The following MKS1 variants were observed in gnomAD, a reference collection of about 807,000 sequenced individuals.
MKS1 encodes the protein MKS transition zone complex subunit 1.
Under a neutral mutation model 83.7 loss-of-function variants are expected in MKS1, and 70 were observed. The ratio of observed to expected loss-of-function variants is 0.84; its 90% CI spans 0.69 to 1.02. MKS1 has a LOEUF of 1.02. Among genes scored for constraint, MKS1 ranks in the 50% least tolerant of loss-of-function variants. The pLI is 0.00. For missense variants in MKS1, 681 were observed against 726.9 expected, an observed-to-expected ratio of 0.94 and a Z score of 0.73; for synonymous variants, 251 against 273.4, an observed-to-expected ratio of 0.92 and a Z score of 0.81.
chr17:58,213,385 G>A (rs1435951700), intron 7 of MKS1, among the ~76,000 whole-genome samples: 1 of 152,134 alleles, frequency 6.6e-6, no homozygotes, highest in Non-Finnish European at 1.5e-5. Flanking sequence ...TGGACAGGTT[G>A]GGCCAGATAA....
At position 58,207,075 on chromosome 17, in the gene MKS1, C is replaced by T. The variant is rs991023855; in HGVS notation, c.1407+10G>A. The T allele has an allele frequency of 1.2e-6, 2 of 1,614,036 alleles. No homozygotes were observed. Among genetic ancestry groups the T allele is most frequent in the African/African-American group, 1.3e-5 (1 of 74,920 alleles). ...TCTCAGCGTGAAGTCACTCCAAAGA[C>T]AAAAGTCACCTTGAAGGATCCTGGT... On this transcript the variant is annotated intron_variant, in intron 15 of 17. Coordinates refer to ENST00000393119, the MANE Select transcript of MKS1 (RefSeq NM_017777.4).
chr17:58,216,824 C>T (rs561678220), intron 2 of MKS1, 88 bp from the exon 3 acceptor site: 3 of 1,367,478 alleles, frequency 2.2e-6, no homozygotes, highest in South Asian at 2.4e-5. Context: ...AGTCCCTATT[C>T]TTATATTTGC....
At position 58,211,033 on chromosome 17, in the gene MKS1, G is replaced by A. The variant is rs1268073085; in HGVS notation, c.916-11C>T. 1 of 1,613,850 alleles carries A rather than the reference G, an allele frequency of 6.2e-7. No individual in the cohort carries two copies. The highest frequency in any genetic ancestry group is 2.2e-5 in the East Asian group (1 of 44,876). ...GGCACCTGGGACAGTCTAAGGTGAA[G>A]AGAAGTGGGAAAGGATCAGCAGGCC... is the stretch of plus-strand genomic sequence containing the variant. On this transcript the variant is annotated splice_polypyrimidine_tract_variant and intron_variant, in intron 9 of 17. Transcript: ENST00000393119.
rs369488349 is a variant in MKS1, at chr17:58,219,204, G to A, written c.27C>T (p.Asp9=). Residue 9 remains aspartate, a synonymous_variant, in exon 1 of 18, where the codon GAC becomes GAT. Coordinates refer to ENST00000393119, the MANE Select transcript of MKS1 (RefSeq NM_017777.4). ...GGGAGCGATACACTGCCTCCCCGGT[G>A]TCAGTGCTCCAGACGGTCTCCGCCA... MAETVWST[D]TGEAVYRSRD... The A allele has an allele frequency of 1.4e-3, 2,095 of 1,551,140 alleles. 2 individuals are homozygous for A. Among genetic ancestry groups the A allele is most frequent in the Non-Finnish European group, 1.7e-3 (1,961 of 1,146,994 alleles).
intron 4 of MKS1, 135 bp from the exon 5 acceptor site, chr17:58,214,973 A>C: frequency 7.2e-7 from 1 of 1,388,702 alleles, no homozygotes; most frequent in Non-Finnish European, 9.8e-7. Flanking sequence ...ACAATTATAC[A>C]TGCTAACGGA....
chr17:58,212,678 G>A (rs760049285), intron 8 of MKS1, among the ~76,000 whole-genome samples: 1 of 152,106 alleles, frequency 6.6e-6, no homozygotes, highest in East Asian at 1.9e-4. Flanking sequence ...CCTCAATCTC[G>A]GTTTCCCCAC....
At chr17:58,211,810 C>T (rs1236169393) in intron 9 of MKS1, among the ~76,000 whole-genome samples, 1 of 150,442 alleles carries the variant, frequency 6.6e-6, no homozygotes, top group African/African-American at 2.5e-5. Flanking sequence ...AAGTGATCCT[C>T]CCACCTTGGC....
In MKS1 at chr17:58,206,575, G is replaced by A. The variant is rs1374491789; in HGVS notation, c.1408-28C>T. 6.3e-7 allele frequency: 1 copy of A among 1,599,402 alleles called. No homozygotes were observed. The highest frequency in any genetic ancestry group is 1.7e-5 in the Admixed American group (1 of 59,996). ...GTGGCATGCCATTGGGACAGCCTCA[G>A]GTTTCTGCTCTCTCTAGACACCCCC... On this transcript the variant is annotated intron_variant, in intron 15 of 17. Transcript: ENST00000393119.
chr17:58,206,630 T>C, intron 15 of MKS1, 83 bp from the exon 16 acceptor site: 1 of 1,334,186 alleles, frequency 7.5e-7, no homozygotes, highest in Non-Finnish European at 1.1e-6. Flanking sequence ...CCCATTCTTA[T>C]TCCCATTCTT....
rs200731008 is a variant in MKS1, at chr17:58,208,494, C to T, written c.1095+19G>A. 1.4e-5 allele frequency: 23 copies of T among 1,612,784 alleles called. 1 individual carries two copies. In the East Asian group the frequency reaches 4.9e-4, roughly 34 times the overall value. On this transcript the variant is annotated intron_variant, in intron 12 of 17. Transcript: ENST00000393119. Reference sequence around the variant, plus strand: ...GCAGATCTCATTCCCTTCCAGATACCCGCTCTCATTCTCCATACCATTGCC... The same window carrying T: ...GCAGATCTCATTCCCTTCCAGATACTCGCTCTCATTCTCCATACCATTGCC...
chr17:58,213,042 G>A lies in MKS1; in HGVS notation c.798C>T (p.Asp266=), dbSNP rs1968971741. ...CCGGCTGTGCGTGGGGGGAAACATT[G>A]TCGATCGTATATTTCCACAGCTCCT... ...EKQELWKYTI[D]NVSPHAQPEE... The change falls in exon 8 of 18, where the codon GAC becomes GAT. Residue 266 remains aspartate (D), a synonymous_variant. Coordinates refer to ENST00000393119, the MANE Select transcript of MKS1 (RefSeq NM_017777.4). 3.7e-6 allele frequency: 6 copies of A among 1,614,098 alleles called. No homozygotes were observed. Among genetic ancestry groups the A allele is most frequent in the Non-Finnish European group, 4.2e-6 (5 of 1,180,028 alleles).
At chr17:58,213,627 C>G (rs748167236) in intron 7 of MKS1, 138 bp downstream of exon 7, 1 of 749,300 alleles carries the variant, frequency 1.3e-6, no homozygotes, top group South Asian at 1.5e-5. Flanking sequence ...TGACTTGGAA[C>G]AGAATACGAA....
At chr17:58,210,865 A>G in intron 10 of MKS1, 115 bp downstream of exon 10, 1 of 1,467,102 alleles carries the variant, frequency 6.8e-7, no homozygotes, top group Non-Finnish European at 9.5e-7. Flanking sequence ...AAGACTCACC[A>G]CTGAGTTTCC....
rs1239048843 is a variant in MKS1 at position 58,209,210 on chromosome 17, G to C, written c.1025-627C>G. Among the ~76,000 whole-genome samples the C allele has an allele frequency of 6.6e-6, 1 of 152,134 alleles. No individual in the cohort carries two copies. Among genetic ancestry groups the C allele is most frequent in the South Asian group, 2.1e-4 (1 of 4,816 alleles). ...AGCTGTTGGGTACACCTCCCAGATG[G>C]GGCGGCCGGGCAGAGGCGCTCCTCA... is the stretch of plus-strand genomic sequence containing the variant. On this transcript the variant is annotated intron_variant, in intron 11 of 17. Transcript: ENST00000393119. This position sits in a 1 kb window ranked among gnomAD's most constrained non-coding sequence, Gnocchi z 4.1.
Position 58,219,131 on chromosome 17 carries a change from G to A in MKS1, c.80+20C>T. 6.4e-7 allele frequency: 1 copy of A among 1,550,680 alleles called. No individual in the cohort carries two copies. Among genetic ancestry groups the A allele is most frequent in the Non-Finnish European group, 8.7e-7 (1 of 1,146,958 alleles). On this transcript the variant is annotated intron_variant, in intron 1 of 17. Coordinates refer to ENST00000393119, the MANE Select transcript of MKS1 (RefSeq NM_017777.4). Reference sequence around the variant, plus strand: ...AGGACACAAAAGCATGGGGCCTCGGGGCTGGGGCGGTGCGACTACCGGAGG... The same window carrying A: ...AGGACACAAAAGCATGGGGCCTCGGAGCTGGGGCGGTGCGACTACCGGAGG...
Position 58,206,291 on chromosome 17 carries a change from T to C in MKS1, c.1580A>G (p.Asn527Ser), listed in dbSNP as rs774309110. ...EGFSQQSSIH[N>S]VLEAFRRARR... ...TGGGGGAGGGGACATACCTAGCACATTGTGAATGGAACTCTGCTGGCTGAA... is the reference window on the plus strand; with the variant it reads ...TGGGGGAGGGGACATACCTAGCACACTGTGAATGGAACTCTGCTGGCTGAA... Residue 527 changes from asparagine to serine, a missense_variant, in exon 17 of 18, where the codon AAT becomes AGT. Physicochemically the swap from Asn to Ser is conservative, Grantham distance 46 (BLOSUM62 1). Coordinates refer to ENST00000393119, the MANE Select transcript of MKS1 (RefSeq NM_017777.4). 23 of 1,613,944 alleles carry C rather than the reference T, an allele frequency of 1.4e-5. No individual in the cohort carries two copies. The African/African-American group carries it at 2.4e-4, about 17-fold the overall frequency.
intron 17 of MKS1, 32 bp downstream of exon 17, chr17:58,206,251 C>G (rs1307656440): frequency 3.1e-6 from 5 of 1,613,964 alleles, no homozygotes; most frequent in Non-Finnish European, 4.2e-6. Flanking sequence ...CCCATGCTGA[C>G]CTGGGGTGGC....
In MKS1 at chr17:58,219,177, C is replaced by G; in HGVS notation, c.54G>C (p.Arg18=). The G allele has an allele frequency of 6.4e-7, 1 of 1,551,298 alleles. No homozygotes were observed. Among genetic ancestry groups the G allele is most frequent in the Non-Finnish European group, 8.7e-7 (1 of 1,147,008 alleles). Residue 18 remains arginine, a synonymous_variant, in exon 1 of 18, where the codon CGG becomes CGC. Coordinates refer to ENST00000393119, the MANE Select transcript of MKS1 (RefSeq NM_017777.4). ...GGAGGCGCAAGTTGCGCACGGGGTC[C>G]CGGGAGCGATACACTGCCTCCCCGG... ...TDTGEAVYRS[R]DPVRNLRLRV... is the part of the protein sequence containing the mutation.
rs202005799 is a variant in MKS1 at position 58,206,205 on chromosome 17, T to C, written c.1589-35A>G. 1.1e-5 allele frequency: 18 copies of C among 1,613,536 alleles called. No individual in the cohort carries two copies. In the East Asian group the frequency reaches 3.3e-4, roughly 30 times the overall value. On this transcript the variant is annotated intron_variant, in intron 17 of 17. Coordinates refer to ENST00000393119, the MANE Select transcript of MKS1 (RefSeq NM_017777.4). ...AAGGAGATATGCTATTTGGCTGCCATATGGTATTTCTCTCTGCACTGCAGA... is the reference window on the plus strand; with the variant it reads ...AAGGAGATATGCTATTTGGCTGCCACATGGTATTTCTCTCTGCACTGCAGA...
Sources: allele counts gnomAD v4.1 joint callset (sites outside exome capture counted in the v4.1 genomes callset), GRCh38; gene constraint gnomAD v4.1.1; non-coding constraint Gnocchi (gnomAD v3.1); transcripts MANE v1.5; gene names NCBI Gene and HGNC (gene_info 2026-07-23, HGNC 2026-07-21).